NOS2: variants seen among roughly 807,000 people sequenced by gnomAD.
NOS2 encodes nitric oxide synthase 2.
A neutral mutation model predicts 136.0 loss-of-function variants in NOS2; 96 were observed. The ratio of observed to expected loss-of-function variants is 0.71; its 90% CI spans 0.60 to 0.84. NOS2 has a LOEUF of 0.84. Ranked by LOEUF, NOS2 falls within the 40% of genes least tolerant of loss-of-function variation. The pLI is 0.00. For synonymous variants in NOS2, 539 were observed against 587.5 expected, an observed-to-expected ratio of 0.92 and a Z score of 1.20; for missense variants, 1,237 against 1,496.9, an observed-to-expected ratio of 0.83 and a Z score of 2.87.
chr17:27,798,519 C>G (rs1909426610), intron 2 of NOS2, among the ~76,000 whole-genome samples, 181 bp downstream of exon 2: 1 of 152,224 alleles, frequency 6.6e-6, no homozygotes. Flanking sequence ...CCGTCAGGCA[C>G]AGCGAGGTGC....
Position 27,788,897 on chromosome 17 carries a change from G to T in NOS2, c.230C>A (p.Thr77Asn), listed in dbSNP as rs758203981. 6.2e-7 allele frequency: 1 copy of T among 1,614,160 alleles called. No homozygotes were observed. The highest frequency in any genetic ancestry group is 1.3e-5 in the African/African-American group (1 of 75,058). Residue 77 changes from threonine to asparagine, a missense_variant, in exon 4 of 27, where the codon ACC becomes AAC. Physicochemically the swap from Thr to Asn is moderately conservative, Grantham distance 65 (BLOSUM62 0). Transcript: ENST00000313735. Reference sequence around the variant, plus strand: ...CACATGCCGTGGGGAGGACAATGGGGTTGCATCCAGCTTGACCAGAGATTC... The same window carrying T: ...CACATGCCGTGGGGAGGACAATGGGTTTGCATCCAGCTTGACCAGAGATTC... ...SPESLVKLDATPLSSPRHVRI... is the reference protein window; with the variant it reads ...SPESLVKLDANPLSSPRHVRI...
rs765520411 is a variant in NOS2, at chr17:27,759,990, T to C, written c.3159+40A>G. 2.1e-6 allele frequency: 3 copies of C among 1,455,616 alleles called. No individual in the cohort carries two copies. In the South Asian group the frequency reaches 4.5e-5, roughly 22 times the overall value. The allele number at this position is 1,455,616 out of a possible 1,614,324, so 90.2% of individuals were successfully genotyped here. On this transcript the variant is annotated intron_variant, in intron 25 of 26. Transcript: ENST00000313735. Reference sequence around the variant, plus strand: ...GGGACCCAGGGCTCACAGTGGAGCTTGTGTGTGTAATGCTTCACCTGCTTT... The same window carrying C: ...GGGACCCAGGGCTCACAGTGGAGCTCGTGTGTGTAATGCTTCACCTGCTTT...
chr17:27,772,044 C>T (rs1464214263), intron 14 of NOS2, among the ~76,000 whole-genome samples: 3 of 152,212 alleles, frequency 2.0e-5, no homozygotes, highest in Non-Finnish European at 4.4e-5. Flanking sequence ...AAAGTTCAGC[C>T]AGAGCAGCTG....
intron 2 of NOS2, among the ~76,000 whole-genome samples, chr17:27,798,486 C>G (rs1369211100): frequency 1.3e-5 from 2 of 152,118 alleles, no homozygotes; most frequent in Admixed American, 6.5e-5. Context: ...AGCCCCGCAC[C>G]ATGTCCCTTC....
chr17:27,771,941 G>T (rs1018163359), intron 14 of NOS2, among the ~76,000 whole-genome samples: 8 of 152,172 alleles, frequency 5.3e-5, no homozygotes, highest in African/African-American at 1.7e-4. Context: ...GACCCTCTGC[G>T]GCCTTTTTTT....
Position 27,789,606 on chromosome 17 carries a change from T to C in NOS2, c.193A>G (p.Lys65Glu). Reference protein sequence around the residue: ...ESPQPLVETGKKSPESLVKLD... With the variant: ...ESPQPLVETGEKSPESLVKLD... ...CCACACCCATGTGACTCACTGACCT[T>C]TCCCGTCTCCACGAGGGGCTGCGGG... Residue 65 changes from lysine (K) to glutamate (E), a missense_variant and splice_region_variant, in exon 3 of 27, where the codon AAG (lysine) becomes GAG (glutamate). Lys to Glu is a moderately conservative substitution (Grantham distance 56). This residue lies in a region of NOS2 where 440 missense variants were observed against 545.4 expected (regional missense o/e 0.81). Coordinates refer to ENST00000313735, the MANE Select transcript of NOS2 (RefSeq NM_000625.4). 1 of 1,612,888 alleles carries C rather than the reference T, an allele frequency of 6.2e-7. No homozygotes were observed. The highest frequency in any genetic ancestry group is 8.5e-7 in the Non-Finnish European group (1 of 1,178,874).
chr17:27,780,564 C>T (rs370464915), intron 9 of NOS2, among the ~76,000 whole-genome samples: 7 of 152,234 alleles, frequency 4.6e-5, no homozygotes, highest in Non-Finnish European at 7.3e-5. Flanking sequence ...AACACATCCA[C>T]CTGTCTGAGG....
At position 27,767,854 on chromosome 17, in the gene NOS2, C is replaced by A. The variant is rs570377085; in HGVS notation, c.2035-17G>T. 41 of 1,610,790 alleles carry A rather than the reference C, an allele frequency of 2.5e-5. No individual in the cohort carries two copies. In the East Asian group the frequency reaches 8.0e-4, roughly 32 times the overall value. Reference sequence around the variant, plus strand: ...ACAGGCTGCCTGGAAGAAGGTGGAGCAGACTGCGGTTAATGGTCAGCAGCA... The same window carrying A: ...ACAGGCTGCCTGGAAGAAGGTGGAGAAGACTGCGGTTAATGGTCAGCAGCA... On this transcript the variant is annotated splice_polypyrimidine_tract_variant and intron_variant, in intron 17 of 26. Coordinates refer to ENST00000313735, the MANE Select transcript of NOS2 (RefSeq NM_000625.4).
At chr17:27,764,782 G>A (rs1021186074) in intron 20 of NOS2, among the ~76,000 whole-genome samples, 1 of 152,206 alleles carries the variant, frequency 6.6e-6, no homozygotes, top group Non-Finnish European at 1.5e-5. Context: ...AGTTGGTGCC[G>A]TGCCTGGTAC....
intron 4 of NOS2, among the ~76,000 whole-genome samples, chr17:27,788,441 T>C (rs1212576704): frequency 1.3e-5 from 2 of 152,152 alleles, no homozygotes; most frequent in African/African-American, 4.8e-5. Context: ...TCTATCAAAT[T>C]GCATTTAAAT....
rs1372852453 is a variant in NOS2 at position 27,765,722 on chromosome 17, G to A, written c.2247-6C>T. The stretch of plus-strand genomic sequence containing the variant: ...CCACCAGGATGGTGGCACGGCTGGG[G>A]AAGGAAAATGAAGCCTCAGGTGACA... On this transcript the variant is annotated splice_region_variant and splice_polypyrimidine_tract_variant and intron_variant, in intron 19 of 26. Coordinates refer to ENST00000313735, the MANE Select transcript of NOS2 (RefSeq NM_000625.4). 3.8e-6 allele frequency: 6 copies of A among 1,592,298 alleles called. No individual in the cohort carries two copies. Among genetic ancestry groups the A allele is most frequent in the Non-Finnish European group, 5.1e-6 (6 of 1,169,476 alleles).
chr17:27,791,798 A>ATAT (rs1567643098), intron 2 of NOS2, among the ~76,000 whole-genome samples: 49 of 150,774 alleles, frequency 3.2e-4, no homozygotes, highest in African/African-American at 1.1e-3. Context: ...AAAACAAAAC[A>ATAT]AAACAAAAAT....
At chr17:27,764,709 GATCT>G in intron 20 of NOS2, among the ~76,000 whole-genome samples, 1 of 152,236 alleles carries the variant, frequency 6.6e-6, no homozygotes, top group Admixed American at 6.5e-5. Context: ...CTGTGAAACA[GATCT>G]GATAGCACAA....
intron 2 of NOS2, among the ~76,000 whole-genome samples, chr17:27,792,393 T>G (rs939931853): frequency 2.0e-5 from 3 of 152,238 alleles, no homozygotes; most frequent in African/African-American, 7.2e-5. Flanking sequence ...CTTTTCCACA[T>G]CTTCCAACTT....
At chr17:27,783,570 G>A (rs752896723) in intron 5 of NOS2, among the ~76,000 whole-genome samples, 3 of 152,178 alleles carry the variant, frequency 2.0e-5, no homozygotes, top group Non-Finnish European at 2.9e-5. Context: ...CCATGACTGA[G>A]AGATGAGCCA....
chr17:27,774,043 C>T (rs976415872), intron 12 of NOS2, among the ~76,000 whole-genome samples: 6 of 152,222 alleles, frequency 3.9e-5, no homozygotes, highest in African/African-American at 1.4e-4. Context: ...CCACAGGCCA[C>T]TAGCGGTGCA....
At chr17:27,790,894 GA>G (rs1458557531) in intron 2 of NOS2, among the ~76,000 whole-genome samples, 1 of 152,182 alleles carries the variant, frequency 6.6e-6, no homozygotes, top group Non-Finnish European at 1.5e-5. Context: ...ACCTTGGTTT[GA>G]AAGCATATTG....
chr17:27,799,684 A>G (rs1223044733), intron 1 of NOS2, among the ~76,000 whole-genome samples: 3 of 152,170 alleles, frequency 2.0e-5, no homozygotes, highest in Admixed American at 1.3e-4. Context: ...ACTACAAAAA[A>G]TTGAAAAATT....
chr17:27,783,491 A>AG (rs1908916760), intron 5 of NOS2, among the ~76,000 whole-genome samples: 1 of 152,134 alleles, frequency 6.6e-6, no homozygotes, highest in East Asian at 1.9e-4. Context: ...CAAGCCTGGG[A>AG]GGAGTGTCCC....
Sources: allele counts gnomAD v4.1 joint callset (sites outside exome capture counted in the v4.1 genomes callset), GRCh38; gene constraint gnomAD v4.1.1; regional missense constraint gnomAD v4.1.1; transcripts MANE v1.5; gene names NCBI Gene and HGNC (gene_info 2026-07-23, HGNC 2026-07-21).